Variants in EML6 observed in about 807,000 individuals in gnomAD.
EML6 encodes EMAP like 6.
Under a neutral mutation model 240.1 loss-of-function variants are expected in EML6, and 154 were observed. The ratio of observed to expected loss-of-function variants is 0.64; its 90% confidence interval spans 0.56 to 0.73. The LOEUF (loss-of-function observed/expected upper bound fraction) is 0.73. Ranked by LOEUF, EML6 falls within the 30% of genes least tolerant of loss-of-function variation. EML6 has a pLI of 0.00. For synonymous variants in EML6, 1,148 were observed against 899.0 expected (o/e 1.28, Z -4.95); for missense variants, 2,964 against 2,474.6 (o/e 1.20, Z -4.20).
Position 54,916,658 on chromosome 2 carries a change from C to G in EML6, c.3499-101C>G, listed in dbSNP as rs907185879. 9.6e-6 allele frequency: 9 copies of G among 933,904 alleles called. No homozygotes were observed. In the Middle Eastern group the frequency reaches 7.7e-4, roughly 80 times the overall value. 57.9% of individuals were successfully genotyped at this position (933,904 alleles called of 1,614,324 possible). On this transcript the variant is annotated intron_variant, in intron 25 of 41. Transcript: ENST00000356458. Reference sequence around the variant, plus strand: ...CTCAGCACTCAACACAAATGCCTAACGTTGGCAAAGTAATTTAGAATTACT... The same window carrying G: ...CTCAGCACTCAACACAAATGCCTAAGGTTGGCAAAGTAATTTAGAATTACT...
At chr2:54,854,430 T>C (rs1237626345) in intron 11 of EML6, among the ~76,000 whole-genome samples, 1 of 152,236 alleles carries the variant, frequency 6.6e-6, no homozygotes, top group Non-Finnish European at 1.5e-5. Context: ...ACTTCAGTTA[T>C]GTGGCACACT....
chr2:54,834,221 A>G (rs1203807979), intron 7 of EML6, among the ~76,000 whole-genome samples: 2 of 152,174 alleles, frequency 1.3e-5, no homozygotes, highest in Non-Finnish European at 2.9e-5. Context: ...GCATCAAGCT[A>G]ATTGTAAACT....
chr2:54,967,614 G>A (rs1016437579), intron 39 of EML6, among the ~76,000 whole-genome samples: 1 of 152,190 alleles, frequency 6.6e-6, no homozygotes, highest in East Asian at 1.9e-4. Context: ...TGTTTTTGGA[G>A]TGTAGGGAAC....
At chr2:54,865,778 A>G (rs969384415) in intron 13 of EML6, among the ~76,000 whole-genome samples, 10 of 152,206 alleles carry the variant, frequency 6.6e-5, no homozygotes, top group African/African-American at 9.6e-5. Context: ...TCACTTTCCA[A>G]TGCTTTCACC....
chr2:54,969,646 A>C (rs1573235685), intron 41 of EML6, among the ~76,000 whole-genome samples: 1 of 152,332 alleles, frequency 6.6e-6, no homozygotes, highest in East Asian at 1.9e-4. Context: ...TTAATATAAA[A>C]AAGAAGTGGC....
chr2:54,787,195 G>A (rs1011412596), intron 2 of EML6, among the ~76,000 whole-genome samples: 1 of 152,064 alleles, frequency 6.6e-6, no homozygotes. Flanking sequence ...GGTAGTTCTC[G>A]AAGTGACCAA....
At chr2:54,865,237 C>G (rs1670907098) in intron 13 of EML6, among the ~76,000 whole-genome samples, 1 of 151,628 alleles carries the variant, frequency 6.6e-6, no homozygotes, top group South Asian at 2.1e-4. Flanking sequence ...TCCTGTAATA[C>G]CGATGCTTTG....
At position 54,962,647 on chromosome 2, in the gene EML6, C is replaced by T; in HGVS notation, c.5093C>T (p.Ser1698Phe). The T allele has an allele frequency of 6.5e-7, 1 of 1,539,814 alleles. No homozygotes were observed. Among genetic ancestry groups the T allele is most frequent in the Non-Finnish European group, 8.8e-7 (1 of 1,141,452 alleles). The change falls in exon 36 of 42, where the codon TCC (serine) becomes TTC (phenylalanine). Residue 1698 changes from serine to phenylalanine, a missense_variant. Physicochemically the swap from Ser to Phe is radical, Grantham distance 155 (BLOSUM62 -2). Transcript: ENST00000356458. ...GEIWGLATHP[S>F]KDLFISASND... ...ATCTGGGGCCTGGCCACTCACCCTTCCAAGGACCTCTTCATCTCTGCCAGC... is the reference window on the plus strand; with the variant it reads ...ATCTGGGGCCTGGCCACTCACCCTTTCAAGGACCTCTTCATCTCTGCCAGC...
chr2:54,807,000 A>C (rs948197284), intron 2 of EML6, among the ~76,000 whole-genome samples: 2 of 152,216 alleles, frequency 1.3e-5, no homozygotes, highest in African/African-American at 4.8e-5. Context: ...TAATAAACTT[A>C]TACACTTTAC....
At chr2:54,757,413 G>A (rs1572862755) in intron 2 of EML6, among the ~76,000 whole-genome samples, 2 of 152,174 alleles carry the variant, frequency 1.3e-5, no homozygotes, top group Admixed American at 6.6e-5. Flanking sequence ...GGATGGAGGG[G>A]CATTTTCTCT....
intron 29 of EML6, among the ~76,000 whole-genome samples, chr2:54,949,177 C>T (rs1675841647): frequency 6.6e-6 from 1 of 152,154 alleles, no homozygotes. Flanking sequence ...CCAGCCCTGT[C>T]ACCAGGTCCT....
At chr2:54,877,948 C>T (rs564874728) in intron 16 of EML6, among the ~76,000 whole-genome samples, 8 of 152,180 alleles carry the variant, frequency 5.3e-5, no homozygotes, top group Non-Finnish European at 1.0e-4. Context: ...GGGTCTCTTG[C>T]ATAAGCAAGG....
chr2:54,822,402 T>A (rs1266811601), intron 5 of EML6, among the ~76,000 whole-genome samples: 3 of 152,166 alleles, frequency 2.0e-5, no homozygotes, highest in African/African-American at 7.2e-5. Flanking sequence ...CCCAAGCAAA[T>A]TGTTAGAAGT....
intron 28 of EML6, among the ~76,000 whole-genome samples, chr2:54,930,743 A>G (rs1056755474): frequency 3.3e-5 from 5 of 152,138 alleles, no homozygotes; most frequent in African/African-American, 1.2e-4. Context: ...AGGAGCTGGA[A>G]CTAGAGCACA....
At chr2:54,835,890 C>G (rs202200384) in intron 7 of EML6, among the ~76,000 whole-genome samples, 1 of 152,166 alleles carries the variant, frequency 6.6e-6, no homozygotes, top group East Asian at 1.9e-4. Flanking sequence ...GTTAAGATCC[C>G]TTGCAGAGAA....
intron 9 of EML6, among the ~76,000 whole-genome samples, chr2:54,848,626 G>A (rs146372320): frequency 1.6e-4 from 25 of 151,844 alleles, no homozygotes; most frequent in South Asian, 4.2e-4. Context: ...AGGTATGAGC[G>A]ACTGTTATGT....
chr2:54,933,513 T>G (rs1054410929), intron 28 of EML6, among the ~76,000 whole-genome samples: 4 of 152,056 alleles, frequency 2.6e-5, no homozygotes, highest in African/African-American at 9.7e-5. Flanking sequence ...GTGGGCAGAT[T>G]ACATGAGGCC....
At chr2:54,966,978 A>G in intron 38 of EML6, 22 bp from the exon 39 acceptor site, 1 of 1,485,812 alleles carries the variant, frequency 6.7e-7, no homozygotes, top group Non-Finnish European at 9.2e-7. Context: ...GTTGATGAAC[A>G]TGGCTTCCCT....
At chr2:54,807,937 A>G (rs1670583652) in intron 2 of EML6, among the ~76,000 whole-genome samples, 1 of 152,336 alleles carries the variant, frequency 6.6e-6, no homozygotes, top group African/African-American at 2.4e-5. Flanking sequence ...ACCAGTAAGT[A>G]TAGCATACAG....
Sources: allele counts gnomAD v4.1 joint callset (sites outside exome capture counted in the v4.1 genomes callset), GRCh38; gene constraint gnomAD v4.1.1; transcripts MANE v1.5; gene names NCBI Gene and HGNC (gene_info 2026-07-23, HGNC 2026-07-21).